NKAIN2: variants seen among roughly 807,000 people sequenced by gnomAD.
The protein encoded by NKAIN2 is sodium/potassium-transporting ATPase subunit beta-1-interacting protein 2.
In NKAIN2, 14 loss-of-function variants were observed where a neutral mutation model predicts 32.6. The ratio of observed to expected loss-of-function variants is 0.43; its 90% CI spans 0.28 to 0.67. The LOEUF (loss-of-function observed/expected upper bound fraction) is 0.67. Among genes scored for constraint, NKAIN2 ranks in the 30% least tolerant of loss-of-function variants. The pLI, the probability that NKAIN2 is intolerant of heterozygous loss-of-function variation, is 0.17. For missense variants in NKAIN2, 198 were observed against 258.3 expected (o/e 0.77, Z 1.60); for synonymous variants, 80 against 87.2 (o/e 0.92, Z 0.46).
At chr6:124,108,213 C>T (rs985467376) in intron 1 of NKAIN2, among the ~76,000 whole-genome samples, 2 of 151,976 alleles carry the variant, frequency 1.3e-5, no homozygotes, top group African/African-American at 4.8e-5. Context: ...AATAGACATC[C>T]TAATAGGTAC....
intron 4 of NKAIN2, among the ~76,000 whole-genome samples, chr6:124,718,984 A>G (rs1472818822): frequency 6.6e-6 from 1 of 152,212 alleles, no homozygotes. Flanking sequence ...TTTCTGTCGA[A>G]TGAAGGTGAC....
At chr6:124,313,930 G>T (rs925785652) in intron 2 of NKAIN2, among the ~76,000 whole-genome samples, 3 of 152,092 alleles carry the variant, frequency 2.0e-5, no homozygotes, top group Non-Finnish European at 2.9e-5. Context: ...TGAATAAGTT[G>T]CCGGGCTCTC....
chr6:124,016,588 T>G (rs1780583187), intron 1 of NKAIN2, among the ~76,000 whole-genome samples: 1 of 152,162 alleles, frequency 6.6e-6, no homozygotes, highest in Non-Finnish European at 1.5e-5. Context: ...TCTCTGAGCC[T>G]ACTACTCTGG....
Position 124,804,701 on chromosome 6 carries a change from T to C in NKAIN2, c.535+13302T>C, listed in dbSNP as rs1373357423. On this transcript the variant is annotated intron_variant, in intron 5 of 6. Coordinates refer to ENST00000368417, the MANE Select transcript of NKAIN2 (RefSeq NM_001040214.3). ...GAAGCAGGGCGAGGCATTGCCTCAC[T>C]CGGGAAGCGCAAGGGATCAGGGAGT... 4.6e-5 allele frequency among the ~76,000 whole-genome samples: 7 copies of C among 152,282 alleles called. No homozygotes were observed. The East Asian group carries it at 1.4e-3, about 29-fold the overall frequency.
intron 1 of NKAIN2, among the ~76,000 whole-genome samples, chr6:123,936,282 C>T (rs1003314957): frequency 3.3e-5 from 5 of 152,146 alleles, no homozygotes; most frequent in African/African-American, 9.7e-5. Flanking sequence ...CTGTGGAACT[C>T]GGTCTAATTG....
At chr6:123,841,817 C>T (rs1207395317) in intron 1 of NKAIN2, among the ~76,000 whole-genome samples, 2 of 152,154 alleles carry the variant, frequency 1.3e-5, no homozygotes, top group Non-Finnish European at 2.9e-5. Context: ...AAGGGATCCT[C>T]CATCATCATT....
intron 4 of NKAIN2, among the ~76,000 whole-genome samples, chr6:124,703,204 T>A (rs183186458): frequency 6.6e-6 from 1 of 152,074 alleles, no homozygotes; most frequent in Admixed American, 6.6e-5. Flanking sequence ...AGACTACCTC[T>A]GACTGGATTT....
chr6:124,152,361 A>G (rs757516210), intron 1 of NKAIN2, among the ~76,000 whole-genome samples: 1 of 151,946 alleles, frequency 6.6e-6, no homozygotes, highest in Non-Finnish European at 1.5e-5. Context: ...CAGTTTCACA[A>G]TAAGTCTTGA....
chr6:123,845,899 A>G (rs1276737699), intron 1 of NKAIN2, among the ~76,000 whole-genome samples: 1 of 152,206 alleles, frequency 6.6e-6, no homozygotes, highest in Non-Finnish European at 1.5e-5. Context: ...TTCATCTAAC[A>G]TATATACAAA....
intron 4 of NKAIN2, among the ~76,000 whole-genome samples, chr6:124,774,634 C>T (rs1778908290): frequency 6.6e-6 from 1 of 151,874 alleles, no homozygotes; most frequent in Admixed American, 6.6e-5. Flanking sequence ...GGCAGGCAGA[C>T]CACCCAAGGT....
intron 1 of NKAIN2, among the ~76,000 whole-genome samples, chr6:124,016,772 T>A (rs1282268372): frequency 6.7e-6 from 1 of 148,530 alleles, no homozygotes; most frequent in Non-Finnish European, 1.5e-5. Flanking sequence ...TTGTTTTCAA[T>A]TTTTTTTTTC....
intron 5 of NKAIN2, among the ~76,000 whole-genome samples, chr6:124,800,072 A>C (rs2114828759): frequency 6.6e-6 from 1 of 152,316 alleles, no homozygotes; most frequent in Admixed American, 6.5e-5. Flanking sequence ...GCAAGACAAA[A>C]CGCTGGCACA....
intron 3 of NKAIN2, among the ~76,000 whole-genome samples, chr6:124,512,486 T>C (rs1389556179): frequency 6.6e-6 from 1 of 152,066 alleles, no homozygotes; most frequent in East Asian, 1.9e-4. Flanking sequence ...TTTTAAAGAG[T>C]AGAACAGAAA....
At chr6:124,011,725 A>G (rs924289999) in intron 1 of NKAIN2, among the ~76,000 whole-genome samples, 12 of 152,208 alleles carry the variant, frequency 7.9e-5, no homozygotes, top group Non-Finnish European at 1.6e-4. Flanking sequence ...GCCCTTAGCC[A>G]GTAAAGGCCT....
At chr6:124,067,649 T>C (rs1271533070) in intron 1 of NKAIN2, among the ~76,000 whole-genome samples, 1 of 152,216 alleles carries the variant, frequency 6.6e-6, no homozygotes, top group Admixed American at 6.5e-5. Context: ...CCTTAGGTTG[T>C]ATTCAATTTC....
At chr6:123,825,004 C>CA (rs1347230897) in intron 1 of NKAIN2, among the ~76,000 whole-genome samples, 14 of 152,164 alleles carry the variant, frequency 9.2e-5, no homozygotes, top group South Asian at 2.1e-4. Context: ...ATTTATTTCT[C>CA]ACAGTTCTAG....
chr6:123,926,477 G>C, intron 1 of NKAIN2, among the ~76,000 whole-genome samples: 12 of 151,416 alleles, frequency 7.9e-5, no homozygotes, highest in Admixed American at 5.9e-4. Context: ...GATTGCTGCT[G>C]CAGTGTTCCC....
intron 3 of NKAIN2, among the ~76,000 whole-genome samples, chr6:124,625,096 C>T (rs1183388103): frequency 6.8e-6 from 1 of 147,024 alleles, no homozygotes; most frequent in African/African-American, 2.4e-5. Flanking sequence ...ACATCCTCCT[C>T]AATATTGATC....
At chr6:124,760,144 G>C (rs900451278) in intron 4 of NKAIN2, among the ~76,000 whole-genome samples, 2 of 151,958 alleles carry the variant, frequency 1.3e-5, no homozygotes, top group African/African-American at 4.8e-5. Context: ...GCAAACTAAC[G>C]CAGGAACAGA....
Sources: gnomAD v4.1 joint callset for allele counts (sites outside exome capture counted in the v4.1 genomes callset) on GRCh38, gnomAD v4.1.1 for gene constraint, MANE v1.5 for transcripts, NCBI Gene and HGNC (gene_info 2026-07-23, HGNC 2026-07-21) for gene names.